Variants in IZUMO4 observed in about 807,000 individuals in gnomAD.
IZUMO4 encodes the protein izumo sperm-egg fusion protein 4.
Under a neutral mutation model 37.1 loss-of-function variants are expected in IZUMO4, and 51 were observed. The ratio of observed to expected loss-of-function variants is 1.38; its 90% CI spans 1.10 to 1.74. IZUMO4 has a LOEUF of 1.74. Ranked by LOEUF, IZUMO4 falls within the 40% of genes most tolerant of loss-of-function variation. The pLI, the probability that IZUMO4 is intolerant of heterozygous loss-of-function variation, is 0.00. For missense variants in IZUMO4, 364 were observed against 299.6 expected (o/e 1.21, Z -1.59); for synonymous variants, 162 against 121.4 (o/e 1.33, Z -2.20).
In IZUMO4 at chr19:2,099,229, G is replaced by A. The variant is rs200938914; in HGVS notation, c.609-26G>A. On this transcript the variant is annotated intron_variant, in intron 9 of 9. Coordinates refer to ENST00000395301, the MANE Select transcript of IZUMO4 (RefSeq NM_001039846.2). ...AGGCAGGGGGTGGGGGACATGGAGAGCTGAGGCAGCCTCGTCTCCCCGCAG... is the reference window on the plus strand; with the variant it reads ...AGGCAGGGGGTGGGGGACATGGAGAACTGAGGCAGCCTCGTCTCCCCGCAG... 5.0e-6 allele frequency: 8 copies of A among 1,601,166 alleles called. No individual in the cohort carries two copies. In the East Asian group the frequency reaches 6.7e-5, roughly 13 times the overall value.
At position 2,097,492 on chromosome 19, in the gene IZUMO4, G is replaced by GA; in HGVS notation, c.370dup (p.Ser124LysfsTer33). On this transcript the variant is annotated frameshift_variant, in exon 3 of 10. Transcript: ENST00000395301. LOFTEE classifies it high-confidence loss of function. ...GCACCTCATCCAGAACGCCATCATC[G>GA]AAAGTGAGCAAATAAGGCTTCAGAG... is the stretch of plus-strand genomic sequence containing the variant. 6.2e-7 allele frequency: 1 copy of GA among 1,612,870 alleles called. No individual in the cohort carries two copies. Among genetic ancestry groups the GA allele is most frequent in the Non-Finnish European group, 8.5e-7 (1 of 1,179,492 alleles).
In IZUMO4 at chr19:2,099,325, G is replaced by T. The variant is rs1413643096; in HGVS notation, c.679G>T (p.Glu227Ter). Residue 227 changes from glutamate to a stop codon, truncating the protein, a stop_gained, in exon 10 of 10, where the codon GAG becomes TAG. Coordinates refer to ENST00000395301, the MANE Select transcript of IZUMO4 (RefSeq NM_001039846.2). LOFTEE classifies it high-confidence loss of function. ...LANLTLEDAA[E>*]CLKQH ...CAACCTGACCTTGGAAGATGCTGCT[G>T]AGTGTCTCAAGCAGCACTGACAGCA... 2.5e-6 allele frequency: 4 copies of T among 1,612,714 alleles called. No homozygotes were observed. Among genetic ancestry groups the T allele is most frequent in the South Asian group, 1.1e-5 (1 of 91,088 alleles).
chr19:2,097,833 C>G, intron 3 of IZUMO4, 96 bp from the exon 4 acceptor site: 1 of 1,490,252 alleles, frequency 6.7e-7, no homozygotes, highest in Non-Finnish European at 9.3e-7. Flanking sequence ...GCCCCAGTGC[C>G]GAGGGACAGG....
In IZUMO4 at chr19:2,098,105, G is replaced by A. The variant is rs1358911386; in HGVS notation, c.451G>A (p.Ala151Thr). The A allele has an allele frequency of 1.5e-5, 24 of 1,613,488 alleles. No individual in the cohort carries two copies. Among genetic ancestry groups the A allele is most frequent in the Middle Eastern group, 1.6e-4 (1 of 6,062 alleles). Residue 151 changes from alanine to threonine, a missense_variant, in exon 5 of 10, where the codon GCC becomes ACC. Coordinates refer to ENST00000395301, the MANE Select transcript of IZUMO4 (RefSeq NM_001039846.2). ...SCNNCTDSHV[A>T]CFGYNCESSA... Reference sequence around the variant, plus strand: ...CAACAACTGCACAGACTCGCACGTCGCCTGCTTTGGCTATAACTGCGAGTA... The same window carrying A: ...CAACAACTGCACAGACTCGCACGTCACCTGCTTTGGCTATAACTGCGAGTA...
At chr19:2,098,232 G>T in intron 5 of IZUMO4, 55 bp from the exon 6 acceptor site, 3 of 1,612,656 alleles carry the variant, frequency 1.9e-6, no homozygotes, top group Non-Finnish European at 2.5e-6. Context: ...CTGTCATCGG[G>T]TAGGGCGGGG....
rs372932747 is a variant in IZUMO4, at chr19:2,098,040, T to C, written c.398-12T>C. 4.8e-5 allele frequency: 78 copies of C among 1,613,296 alleles called. 2 individuals are homozygous for C. The African/African-American group carries it at 7.2e-4, about 15-fold the overall frequency. On this transcript the variant is annotated splice_polypyrimidine_tract_variant and intron_variant, in intron 4 of 9. Coordinates refer to ENST00000395301, the MANE Select transcript of IZUMO4 (RefSeq NM_001039846.2). ...CTGAGGGGAGCCCTGGCGGCTCTTG[T>C]ACGTGTTTCAGGCATCTTCCAGTAC...
rs188072624 is a variant in IZUMO4, at chr19:2,098,372, G to A, written c.521+38G>A. The stretch of plus-strand genomic sequence containing the variant: ...TTTGGGTGGCAGCAAGCTCACCTGG[G>A]CCTGGGAGGGAACACTGGCCACGGC... On this transcript the variant is annotated intron_variant, in intron 6 of 9. Coordinates refer to ENST00000395301, the MANE Select transcript of IZUMO4 (RefSeq NM_001039846.2). 3,914 of 1,614,018 alleles carry A rather than the reference G, an allele frequency of 2.4e-3. 8 individuals carry two copies. Among genetic ancestry groups the A allele is most frequent in the Admixed American group, 3.3e-3 (196 of 60,030 alleles).
rs1350038500 is a variant in IZUMO4, at chr19:2,097,162, A to C, written c.217A>C (p.Thr73Pro). Residue 73 changes from threonine (T) to proline (P), a missense_variant and splice_region_variant, in exon 1 of 10, where the codon ACC becomes CCC. Coordinates refer to ENST00000395301, the MANE Select transcript of IZUMO4 (RefSeq NM_001039846.2). ...GCACCTGGCCATCCCCGCCAAGATC[A>C]GTGAGTGCCGGAGCCCAGCCCAGTC... The part of the protein sequence containing the change: ...ELHLAIPAKI[T>P]REKLDQVATA... 2 of 1,609,822 alleles carry C rather than the reference A, an allele frequency of 1.2e-6. No homozygotes were observed. The highest frequency in any genetic ancestry group is 1.7e-5 in the Admixed American group (1 of 59,926).
chr19:2,098,227 A>G (rs1477106107), intron 5 of IZUMO4, 60 bp from the exon 6 acceptor site: 8 of 1,611,962 alleles, frequency 5.0e-6, no homozygotes, highest in Admixed American at 3.3e-5. Flanking sequence ...CCTGGCTGTC[A>G]TCGGGTAGGG....
rs1429324962 is a variant in IZUMO4, at chr19:2,098,075, T to C, written c.421T>C (p.Ser141Pro). The change falls in exon 5 of 10, where the codon TCC becomes CCC. Residue 141 changes from serine (S) to proline (P), a missense_variant. Coordinates refer to ENST00000395301, the MANE Select transcript of IZUMO4 (RefSeq NM_001039846.2). ...RCGIFQYETI[S>P]CNNCTDSHVA... Reference sequence around the variant, plus strand: ...AGGCATCTTCCAGTACGAGACCATCTCCTGCAACAACTGCACAGACTCGCA... The same window carrying C: ...AGGCATCTTCCAGTACGAGACCATCCCCTGCAACAACTGCACAGACTCGCA... 1.9e-6 allele frequency: 3 copies of C among 1,613,468 alleles called. No individual in the cohort carries two copies. Among genetic ancestry groups the C allele is most frequent in the Admixed American group, 3.3e-5 (2 of 60,004 alleles).
chr19:2,097,560 G>A, intron 3 of IZUMO4, 65 bp downstream of exon 3: 1 of 1,412,252 alleles, frequency 7.1e-7, no homozygotes. Flanking sequence ...ACGGGGCTTG[G>A]CTGAGGCTGG....
In IZUMO4 at chr19:2,099,018, C is replaced by T. The variant is rs2017820201; in HGVS notation, c.597C>T (p.Ala199=). Residue 199 remains alanine, a synonymous_variant, in exon 9 of 10, where the codon GCC becomes GCT. Transcript: ENST00000395301. ...SAFSWPGTHR[A]TPAFLVSPAL... is the part of the protein sequence containing the mutation. ...TCTCCTGGCCTGGGACACACAGAGC[C>T]ACCCCGGCCTTGTGAGTGACCCAGA... 1.2e-6 allele frequency: 2 copies of T among 1,612,946 alleles called. No homozygotes were observed. Among genetic ancestry groups the T allele is most frequent in the African/African-American group, 1.3e-5 (1 of 74,916 alleles).
At chr19:2,099,061 G>C in intron 9 of IZUMO4, 32 bp downstream of exon 9, 1 of 1,602,094 alleles carries the variant, frequency 6.2e-7, no homozygotes, top group Non-Finnish European at 8.5e-7. Context: ...GGCCTCGGGA[G>C]AAGGGGTGCT....
chr19:2,098,300 T>C lies in IZUMO4; in HGVS notation c.487T>C (p.Trp163Arg). 1 of 1,613,886 alleles carries C rather than the reference T, an allele frequency of 6.2e-7. No homozygotes were observed. Among genetic ancestry groups the C allele is most frequent in the Non-Finnish European group, 8.5e-7 (1 of 1,180,014 alleles). Residue 163 changes from tryptophan (W) to arginine (R), a missense_variant, in exon 6 of 10, where the codon TGG becomes CGG. Trp to Arg is a moderately radical substitution (Grantham distance 101). Coordinates refer to ENST00000395301, the MANE Select transcript of IZUMO4 (RefSeq NM_001039846.2). The part of the protein sequence containing the change: ...FGYNCESSAQ[W>R]KSAVQGLLNY... ...TGTGTCCCACAGGTCCTCGGCGCAG[T>C]GGAAGTCAGCTGTCCAGGGCCTCCT...
chr19:2,097,653 G>A (rs771838656), intron 3 of IZUMO4, 158 bp downstream of exon 3: 3 of 768,254 alleles, frequency 3.9e-6, no homozygotes, highest in South Asian at 1.5e-5. Context: ...AGCACCTGAA[G>A]GATCAATGCC....
At position 2,099,497 on chromosome 19, in the gene IZUMO4, G is replaced by C; in HGVS notation, c.*152G>C. On this transcript the variant is annotated 3_prime_UTR_variant, in exon 10 of 10. Transcript: ENST00000395301. ...TGGCCAGGGCCAGGAGGGCGGGAGGGAGGGAATGGGGGTGGGCTGTGCGCA... is the reference window on the plus strand; with the variant it reads ...TGGCCAGGGCCAGGAGGGCGGGAGGCAGGGAATGGGGGTGGGCTGTGCGCA... The C allele has an allele frequency of 2.5e-6, 1 of 398,882 alleles. No homozygotes were observed. The highest frequency in any genetic ancestry group is 3.1e-5 in the Admixed American group (1 of 32,358). 24.7% of individuals were successfully genotyped at this position (398,882 alleles called of 1,614,324 possible).
At chr19:2,098,024 G>C in intron 4 of IZUMO4, 28 bp from the exon 5 acceptor site, 1 of 1,613,190 alleles carries the variant, frequency 6.2e-7, no homozygotes, top group Non-Finnish European at 8.5e-7. Context: ...GCTGAGGGGA[G>C]CCCTGGCGGC....
chr19:2,098,450 AG>A lies in IZUMO4; in HGVS notation c.536+1del. On this transcript the variant is annotated splice_donor_variant, in intron 7 of 9. Coordinates refer to ENST00000395301, the MANE Select transcript of IZUMO4 (RefSeq NM_001039846.2). LOFTEE classifies it high-confidence loss of function. ...TGTCTTTGTAGAAATAACTGGCACA[AG>A]TAAGTCCCCTCCTCAAACCAACACA... 6.2e-7 allele frequency: 1 copy of A among 1,613,898 alleles called. No individual in the cohort carries two copies. The highest frequency in any genetic ancestry group is 8.5e-7 in the Non-Finnish European group (1 of 1,180,012).
Position 2,096,989 on chromosome 19 carries a change from C to T in IZUMO4, c.44C>T (p.Ala15Val). 6.2e-7 allele frequency: 1 copy of T among 1,609,740 alleles called. No homozygotes were observed. ...CTGGTGTGCCTGACGGCGGCGCTGG[C>T]CCACGGCTGTCTGCACTGCCACAGC... is the stretch of plus-strand genomic sequence containing the variant. ...LCLVCLTAAL[A>V]HGCLHCHSNF... Residue 15 changes from alanine to valine, a missense_variant, in exon 1 of 10, where the codon GCC (alanine) becomes GTC (valine). Coordinates refer to ENST00000395301, the MANE Select transcript of IZUMO4 (RefSeq NM_001039846.2).
Sources: gnomAD v4.1 joint callset for allele counts on GRCh38, gnomAD v4.1.1 for gene constraint, MANE v1.5 for transcripts, NCBI Gene and HGNC (gene_info 2026-07-23, HGNC 2026-07-21) for gene names.